The following ITGA8 variants were observed in gnomAD, a reference collection of about 807,000 sequenced individuals.
ITGA8 encodes the protein integrin subunit alpha 8.
Under a neutral mutation model 142.3 loss-of-function variants are expected in ITGA8, and 91 were observed. The observed-to-expected ratio is 0.64, with a 90% confidence interval of 0.54 to 0.76. ITGA8 has a LOEUF of 0.76. Among genes scored for constraint, ITGA8 ranks in the 30% least tolerant of loss-of-function variants. The pLI, the probability that ITGA8 is intolerant of heterozygous loss-of-function variation, is 0.00. For synonymous variants in ITGA8, 505 were observed against 485.2 expected, an observed-to-expected ratio of 1.04 and a Z score of -0.54; for missense variants, 1,406 against 1,327.7, an observed-to-expected ratio of 1.06 and a Z score of -0.92.
At chr10:15,684,915 G>T (rs1337632983) in intron 3 of ITGA8, among the ~76,000 whole-genome samples, 4 of 152,128 alleles carry the variant, frequency 2.6e-5, no homozygotes, top group Non-Finnish European at 5.9e-5. Context: ...CCTCTGTTTT[G>T]TGACGCCCCC....
chr10:15,656,371 A>AT (rs1278564414), intron 10 of ITGA8, among the ~76,000 whole-genome samples: 168 of 150,596 alleles, frequency 1.1e-3, no homozygotes, highest in African/African-American at 3.4e-3. Context: ...TTATTTATTT[A>AT]TTTATTTTTT....
At chr10:15,689,210 A>G (rs1249578709) in intron 2 of ITGA8, among the ~76,000 whole-genome samples, 2 of 152,250 alleles carry the variant, frequency 1.3e-5, no homozygotes, top group Non-Finnish European at 2.9e-5. Context: ...CTTAGGACAG[A>G]TGGCATCAGC....
chr10:15,645,260 C>G (rs1833959325), intron 12 of ITGA8, among the ~76,000 whole-genome samples: 1 of 152,136 alleles, frequency 6.6e-6, no homozygotes, highest in Non-Finnish European at 1.5e-5. Context: ...GTGAATTTCA[C>G]ATGATTTTAC....
chr10:15,532,052 G>T (rs1252198280), intron 27 of ITGA8, among the ~76,000 whole-genome samples: 1 of 150,646 alleles, frequency 6.6e-6, no homozygotes. Flanking sequence ...GGGGTGGGGG[G>T]GCCTGTCCTC....
At chr10:15,556,016 C>CTG (rs1391282940) in intron 26 of ITGA8, among the ~76,000 whole-genome samples, 1 of 94,506 alleles carries the variant, frequency 1.1e-5, no homozygotes, top group Non-Finnish European at 2.1e-5. Context: ...GTCTCTCTCT[C>CTG]TCTTTTTTTT....
intron 23 of ITGA8, among the ~76,000 whole-genome samples, chr10:15,578,495 A>T (rs1331853150): frequency 6.6e-6 from 1 of 152,126 alleles, no homozygotes; most frequent in Non-Finnish European, 1.5e-5. Flanking sequence ...TCTTGTGTGA[A>T]CTTTGGTTTT....
intron 2 of ITGA8, among the ~76,000 whole-genome samples, chr10:15,691,230 A>C (rs1410642787): frequency 6.6e-6 from 1 of 152,230 alleles, no homozygotes; most frequent in African/African-American, 2.4e-5. Flanking sequence ...GACCCCTAGC[A>C]TACTCCTGGT....
chr10:15,547,584 A>G (rs1299986936), intron 27 of ITGA8, among the ~76,000 whole-genome samples: 1 of 152,114 alleles, frequency 6.6e-6, no homozygotes. Context: ...AAAAGCAACA[A>G]CAACAAAAAA....
intron 21 of ITGA8, among the ~76,000 whole-genome samples, chr10:15,593,242 T>A (rs9333169): frequency 1.3e-5 from 2 of 152,182 alleles, no homozygotes; most frequent in Non-Finnish European, 2.9e-5. Context: ...AACGTGGAAA[T>A]AGATAAAAAC....
chr10:15,644,297 T>TTA, intron 12 of ITGA8, 76 bp from the exon 13 acceptor site: 1 of 1,363,912 alleles, frequency 7.3e-7, no homozygotes. Flanking sequence ...AGACAGGACC[T>TTA]TACTCTGTCA....
intron 20 of ITGA8, among the ~76,000 whole-genome samples, chr10:15,600,041 C>G (rs979326409): frequency 6.6e-6 from 1 of 152,228 alleles, no homozygotes; most frequent in Admixed American, 6.5e-5. Context: ...TTAATTTATT[C>G]TTACCTATAA....
At chr10:15,670,845 G>T (rs192020650) in intron 8 of ITGA8, among the ~76,000 whole-genome samples, 1 of 152,034 alleles carries the variant, frequency 6.6e-6, no homozygotes, top group East Asian at 1.9e-4. Context: ...AGCCAATCTC[G>T]TTTCACTATC....
intron 25 of ITGA8, among the ~76,000 whole-genome samples, chr10:15,570,967 T>A (rs1262527761): frequency 6.6e-6 from 1 of 152,222 alleles, no homozygotes; most frequent in Non-Finnish European, 1.5e-5. Context: ...ATTTAAATGT[T>A]ATACATTTGC....
At chr10:15,554,341 G>T (rs1833846299) in intron 26 of ITGA8, among the ~76,000 whole-genome samples, 2 of 152,098 alleles carry the variant, frequency 1.3e-5, no homozygotes, top group Admixed American at 1.3e-4. Flanking sequence ...CAGAGCCTAT[G>T]GGGGGAGGGG....
At chr10:15,676,455 T>TA (rs1463754870) in intron 6 of ITGA8, among the ~76,000 whole-genome samples, 1 of 152,120 alleles carries the variant, frequency 6.6e-6, no homozygotes, top group Non-Finnish European at 1.5e-5. Flanking sequence ...AGAAGCCTCC[T>TA]AATTTCTCCC....
At chr10:15,531,185 A>G (rs376407596) in intron 27 of ITGA8, 34 bp from the exon 28 acceptor site, 7 of 1,198,036 alleles carry the variant, frequency 5.8e-6, no homozygotes, top group Non-Finnish European at 7.9e-6. Flanking sequence ...AATATATTTC[A>G]TATAAAGTTT....
chr10:15,532,376 G>A (rs899703135), intron 27 of ITGA8, among the ~76,000 whole-genome samples: 2 of 137,182 alleles, frequency 1.5e-5, no homozygotes, highest in African/African-American at 5.7e-5. Flanking sequence ...CCGAGATCGT[G>A]CCACTGCCCT....
In ITGA8 at chr10:15,606,299, T is replaced by G; in HGVS notation, c.1888A>C (p.Ile630Leu). The change falls in exon 18 of 30, where the codon ATT becomes CTT. Residue 630 changes from isoleucine (I) to leucine (L), a missense_variant. Transcript: ENST00000378076. ...KPILNYYREN[I>L]VSEQAHILVD... ...GAAGGACTTACCTGTTCACTAACAA[T>G]GTTTTCTCTGTAGTAGTTCAATATT... 6.2e-7 allele frequency: 1 copy of G among 1,607,716 alleles called. No individual in the cohort carries two copies.
At chr10:15,595,450 T>G (rs554649224) in intron 21 of ITGA8, among the ~76,000 whole-genome samples, 3 of 152,346 alleles carry the variant, frequency 2.0e-5, no homozygotes, top group African/African-American at 7.2e-5. Flanking sequence ...CTATTAGGTT[T>G]CTTTTACTAT....
Sources: allele counts gnomAD v4.1 joint callset (sites outside exome capture counted in the v4.1 genomes callset), GRCh38; gene constraint gnomAD v4.1.1; transcripts MANE v1.5; gene names NCBI Gene and HGNC (gene_info 2026-07-23, HGNC 2026-07-21).